Variants in SV2C observed in about 807,000 individuals in gnomAD.
The protein encoded by SV2C is solute carrier family 22 member B3.
SV2C carries 49 observed loss-of-function variants against 79.7 expected under a neutral mutation model. The observed-to-expected ratio is 0.61, with a 90% CI of 0.49 to 0.78. SV2C has a LOEUF of 0.78. Ranked by LOEUF, SV2C falls within the 30% of genes least tolerant of loss-of-function variation. The pLI is 0.00. For missense variants in SV2C, 833 were observed against 912.9 expected, an observed-to-expected ratio of 0.91 and a Z score of 1.13; for synonymous variants, 334 against 333.2, an observed-to-expected ratio of 1.00 and a Z score of -0.03.
chr5:76,325,281 T>G lies in SV2C; in HGVS notation c.2001-83T>G, dbSNP rs116041716. The G allele has an allele frequency of 8.1e-3, 11,473 of 1,409,644 alleles. 64 individuals are homozygous for G. Among genetic ancestry groups the G allele is most frequent in the Non-Finnish European group, 9.8e-3 (9,921 of 1,015,642 alleles). The allele number at this position is 1,409,644 out of a possible 1,614,324, so 87.3% of individuals were successfully genotyped here. ...ACAACACAATCTGAGGGAAGATCATTGAAAATCTAGGATCTTTTGGTCTAA... is the reference window on the plus strand; with the variant it reads ...ACAACACAATCTGAGGGAAGATCATGGAAAATCTAGGATCTTTTGGTCTAA... On this transcript the variant is annotated intron_variant, in intron 12 of 12. Transcript: ENST00000502798.
the SV2C span, among the ~76,000 whole-genome samples, chr5:76,058,330 G>A: frequency 6.0e-4 from 92 of 152,236 alleles, no homozygotes; most frequent in African/African-American, 2.2e-3. Context: ...CTACCCTGGA[G>A]TGCACCAAAT....
chr5:75,962,814 C>T, the SV2C span, among the ~76,000 whole-genome samples: 4 of 152,168 alleles, frequency 2.6e-5, no homozygotes, highest in African/African-American at 9.6e-5. Context: ...CCATCTAAAC[C>T]ACATAGACTG....
At chr5:76,349,358 C>A (rs1371161732) in intron 12 of SV2C, among the ~76,000 whole-genome samples, 1 of 152,024 alleles carries the variant, frequency 6.6e-6, no homozygotes, top group East Asian at 1.9e-4. Flanking sequence ...ACTAAAAATA[C>A]AAAAATTAGC....
chr5:76,211,711 G>A (rs1744773497), intron 4 of SV2C, among the ~76,000 whole-genome samples: 2 of 151,974 alleles, frequency 1.3e-5, no homozygotes, highest in Admixed American at 1.3e-4. Context: ...GTTCTGTTAG[G>A]GAACAACCTT....
At chr5:75,942,062 A>G in the SV2C span, among the ~76,000 whole-genome samples, 1 of 152,192 alleles carries the variant, frequency 6.6e-6, no homozygotes, top group East Asian at 1.9e-4. Flanking sequence ...TAAAAGGCCC[A>G]AGAGGACAAG....
chr5:76,207,975 A>G (rs1321721528), intron 3 of SV2C, among the ~76,000 whole-genome samples: 2 of 152,174 alleles, frequency 1.3e-5, no homozygotes, highest in African/African-American at 2.4e-5. Flanking sequence ...CACCACATGC[A>G]TTTGTTTCTT....
At chr5:76,274,638 G>GC (rs931107365) in intron 4 of SV2C, among the ~76,000 whole-genome samples, 2 of 149,464 alleles carry the variant, frequency 1.3e-5, no homozygotes, top group Non-Finnish European at 3.0e-5. Flanking sequence ...CCCTCCATGT[G>GC]CCCCCCTCCA....
At chr5:76,056,697 T>C in the SV2C span, among the ~76,000 whole-genome samples, 4 of 147,220 alleles carry the variant, frequency 2.7e-5, no homozygotes, top group Non-Finnish European at 5.9e-5. Context: ...TTGTTATTGG[T>C]CTATTCAGGG....
At chr5:76,055,697 T>C in the SV2C span, among the ~76,000 whole-genome samples, 4 of 152,200 alleles carry the variant, frequency 2.6e-5, no homozygotes, top group African/African-American at 9.7e-5. Context: ...TAGTTCTCCT[T>C]GAAGAGGTCC....
chr5:76,159,562 T>G (rs1419394476), intron 2 of SV2C, among the ~76,000 whole-genome samples: 3 of 152,140 alleles, frequency 2.0e-5, no homozygotes, highest in Non-Finnish European at 2.9e-5. Context: ...TTTGAGACAC[T>G]GAGTAGAATC....
chr5:75,851,780 G>T, the SV2C span, among the ~76,000 whole-genome samples: 2 of 152,234 alleles, frequency 1.3e-5, no homozygotes, highest in African/African-American at 2.4e-5. Flanking sequence ...CTCCCCAGCA[G>T]CTGGGACTAC....
At chr5:75,897,748 C>T in the SV2C span, among the ~76,000 whole-genome samples, 2 of 152,096 alleles carry the variant, frequency 1.3e-5, no homozygotes, top group African/African-American at 4.8e-5. Context: ...TTTCCTTGAG[C>T]AGTGGTTTGT....
chr5:75,971,852 G>C, the SV2C span, among the ~76,000 whole-genome samples: 1 of 151,998 alleles, frequency 6.6e-6, no homozygotes, highest in African/African-American at 2.4e-5. Context: ...AACCAAAAAA[G>C]AGCCCACATT....
intron 4 of SV2C, among the ~76,000 whole-genome samples, chr5:76,264,901 G>A (rs1434152175): frequency 6.6e-6 from 1 of 152,200 alleles, no homozygotes; most frequent in Non-Finnish European, 1.5e-5. Flanking sequence ...TCCCAGTCAG[G>A]AGACATGGGA....
downstream of SV2C, among the ~76,000 whole-genome samples, chr5:76,334,338 GGA>G (rs1390817228): frequency 1.2e-5 from 1 of 82,436 alleles, no homozygotes; most frequent in East Asian, 2.5e-4. Flanking sequence ...AATTCACATT[GGA>G]GGCAGAAACA....
intron 2 of SV2C, among the ~76,000 whole-genome samples, chr5:76,156,274 T>C (rs1041657585): frequency 2.0e-5 from 3 of 152,100 alleles, no homozygotes; most frequent in African/African-American, 7.2e-5. Context: ...CCTATTAGGG[T>C]AGCTGTGGAC....
At chr5:76,185,759 AAGGT>A (rs1326764011) in intron 2 of SV2C, among the ~76,000 whole-genome samples, 2 of 152,234 alleles carry the variant, frequency 1.3e-5, no homozygotes, top group African/African-American at 2.4e-5. Flanking sequence ...GGCTGCCATG[AAGGT>A]CTCTCACATG....
chr5:75,890,309 G>A, the SV2C span, among the ~76,000 whole-genome samples: 1 of 152,036 alleles, frequency 6.6e-6, no homozygotes, highest in African/African-American at 2.4e-5. Context: ...TCCCATTGTA[G>A]TAAATCTTTA....
At chr5:76,268,321 A>G (rs1746730664) in intron 4 of SV2C, among the ~76,000 whole-genome samples, 1 of 152,142 alleles carries the variant, frequency 6.6e-6, no homozygotes, top group Non-Finnish European at 1.5e-5. Flanking sequence ...GACAATGAAT[A>G]CTGGTGATAC....
Sources: allele counts gnomAD v4.1 joint callset (sites outside exome capture counted in the v4.1 genomes callset), GRCh38; gene constraint gnomAD v4.1.1; transcripts MANE v1.5; gene names NCBI Gene and HGNC (gene_info 2026-07-23, HGNC 2026-07-21).